The following PPFIA2 variants were observed in gnomAD, a reference collection of about 807,000 sequenced individuals.
PPFIA2 encodes the protein PPFI scaffold protein A2, also known as liprin-alpha-2.
In PPFIA2, 46 loss-of-function variants were observed where a neutral mutation model predicts 175.5. That is an observed-to-expected ratio of 0.26 (90% CI 0.21 to 0.34). The LOEUF is 0.34. Ranked by LOEUF, PPFIA2 falls within the 10% of genes least tolerant of loss-of-function variation. The pLI is 1.00. For missense variants in PPFIA2, 1,179 were observed against 1,506.1 expected, an observed-to-expected ratio of 0.78 and a Z score of 3.60; for synonymous variants, 568 against 511.4, an observed-to-expected ratio of 1.11 and a Z score of -1.49.
chr12:81,707,332 A>T (rs918431996), intron 3 of PPFIA2, among the ~76,000 whole-genome samples: 1 of 152,100 alleles, frequency 6.6e-6, no homozygotes, highest in African/African-American at 2.4e-5. Flanking sequence ...CAAGAAAAAA[A>T]CAAACAACCC....
chr12:81,304,743 G>A (rs2048730461), intron 22 of PPFIA2, among the ~76,000 whole-genome samples: 2 of 152,084 alleles, frequency 1.3e-5, no homozygotes, highest in Non-Finnish European at 2.9e-5. Flanking sequence ...AGTTGGTGGT[G>A]GAGGAAGATG....
intron 22 of PPFIA2, among the ~76,000 whole-genome samples, chr12:81,315,427 T>C (rs1251062056): frequency 2.0e-5 from 3 of 151,636 alleles, no homozygotes; most frequent in African/African-American, 4.8e-5. Context: ...ATTATGGACG[T>C]GATCTAAGCT....
intron 3 of PPFIA2, among the ~76,000 whole-genome samples, chr12:81,708,175 T>TA (rs1316834737): frequency 1.4e-5 from 2 of 143,748 alleles, no homozygotes; most frequent in African/African-American, 2.6e-5. Context: ...AGTATAATAA[T>TA]AAAAAAACAA....
chr12:81,400,475 G>A (rs550137737), intron 8 of PPFIA2, among the ~76,000 whole-genome samples: 2 of 151,936 alleles, frequency 1.3e-5, no homozygotes, highest in Non-Finnish European at 2.9e-5. Context: ...TAAATTTACC[G>A]ATCTGAGGAT....
chr12:81,730,406 G>A (rs1211092682), intron 3 of PPFIA2, among the ~76,000 whole-genome samples: 1 of 151,604 alleles, frequency 6.6e-6, no homozygotes, highest in African/African-American at 2.4e-5. Flanking sequence ...ATGGCGGAAG[G>A]CAAAAGAGAA....
chr12:81,265,944 T>C (rs2037128107), intron 30 of PPFIA2, among the ~76,000 whole-genome samples: 1 of 152,242 alleles, frequency 6.6e-6, no homozygotes, highest in Admixed American at 6.5e-5. Flanking sequence ...ATGCAACTTA[T>C]AAGACGAGGC....
chr12:81,699,754 T>C (rs967121650), intron 3 of PPFIA2, among the ~76,000 whole-genome samples: 1 of 151,972 alleles, frequency 6.6e-6, no homozygotes, highest in African/African-American at 2.4e-5. Flanking sequence ...TGAATACACA[T>C]GTCTTAACCC....
At chr12:81,449,488 CAA>C (rs552912790) in intron 5 of PPFIA2, among the ~76,000 whole-genome samples, 6 of 93,236 alleles carry the variant, frequency 6.4e-5, no homozygotes, top group African/African-American at 1.3e-4. Flanking sequence ...TTACTTCAGA[CAA>C]AAAAAAAAAA....
At chr12:81,582,367 T>C (rs1407501051) in intron 4 of PPFIA2, among the ~76,000 whole-genome samples, 3 of 151,882 alleles carry the variant, frequency 2.0e-5, no homozygotes, top group Non-Finnish European at 4.4e-5. Flanking sequence ...GTAAATTATA[T>C]TGGCAGCATT....
chr12:81,702,186 C>T (rs962129932), intron 3 of PPFIA2, among the ~76,000 whole-genome samples: 1 of 152,130 alleles, frequency 6.6e-6, no homozygotes, highest in Non-Finnish European at 1.5e-5. Context: ...ACTGTGGCTG[C>T]TTGTATCTAG....
intron 4 of PPFIA2, among the ~76,000 whole-genome samples, chr12:81,556,965 C>A (rs1282675533): frequency 2.0e-5 from 3 of 151,814 alleles, no homozygotes; most frequent in Admixed American, 6.6e-5. Context: ...AAAAGTCAAG[C>A]TGTTAATTTC....
intron 3 of PPFIA2, among the ~76,000 whole-genome samples, chr12:81,698,767 C>CACAA (rs201396938): frequency 0.32 from 48,415 of 151,068 alleles, 8,612 homozygotes; most frequent in Middle Eastern, 0.49. Context: ...CCTTTATACA[C>CACAA]ACACACACAC....
intron 3 of PPFIA2, among the ~76,000 whole-genome samples, chr12:81,688,648 G>C (rs910700004): frequency 6.6e-6 from 1 of 150,496 alleles, no homozygotes; most frequent in Non-Finnish European, 1.5e-5. Context: ...ATTTTTGTAA[G>C]AGGGAAGAAT....
intron 4 of PPFIA2, among the ~76,000 whole-genome samples, chr12:81,629,952 G>T (rs1260330986): frequency 6.6e-6 from 1 of 152,164 alleles, no homozygotes. Context: ...AAGATTATCT[G>T]GGATTATTCA....
intron 8 of PPFIA2, among the ~76,000 whole-genome samples, chr12:81,391,314 AT>A (rs2040071899): frequency 1.3e-5 from 2 of 151,852 alleles, no homozygotes; most frequent in African/African-American, 4.8e-5. Context: ...AGGGAGGGGG[AT>A]ATCCCTGAAG....
At chr12:81,315,133 CTCA>C (rs1054033642) in intron 22 of PPFIA2, among the ~76,000 whole-genome samples, 1 of 151,796 alleles carries the variant, frequency 6.6e-6, no homozygotes, top group African/African-American at 2.4e-5. Flanking sequence ...AGAATGTAAA[CTCA>C]TCAGCAGAAG....
At chr12:81,631,687 C>T (rs1238131869) in intron 4 of PPFIA2, among the ~76,000 whole-genome samples, 5 of 152,212 alleles carry the variant, frequency 3.3e-5, no homozygotes. Flanking sequence ...ATAATTTCCA[C>T]AGTGTCTACT....
Position 81,384,042 on chromosome 12 carries a change from T to A in PPFIA2, c.965A>T (p.Tyr322Phe), listed in dbSNP as rs1201917258. ...LIKTEEMNTK[Y>F]QRDIREAMAQ... ...ACTTACCTCCCTAATGTCCCTTTGA[T>A]ACTTGGTGTTCATTTCTTCTGTTTT... The change falls in exon 9 of 33, where the codon TAT (tyrosine) becomes TTT (phenylalanine). Residue 322 changes from tyrosine (Y) to phenylalanine (F), a missense_variant. By Grantham distance (22) the Tyr-to-Phe change is conservative. Around this residue, in one of 10 missense-constraint regions of PPFIA2, gnomAD observed 226 missense variants for 216.6 expected, o/e 1.04. Transcript: ENST00000549396. The A allele has an allele frequency of 1.9e-6, 3 of 1,611,996 alleles. No homozygotes were observed. The highest frequency in any genetic ancestry group is 2.5e-6 in the Non-Finnish European group (3 of 1,178,630).
At chr12:81,711,813 C>A (rs1298665704) in intron 3 of PPFIA2, among the ~76,000 whole-genome samples, 1 of 149,516 alleles carries the variant, frequency 6.7e-6, no homozygotes, top group African/African-American at 2.4e-5. Context: ...GGAATATTTC[C>A]AAATGTCCTT....
Sources: gnomAD v4.1 joint callset for allele counts (sites outside exome capture counted in the v4.1 genomes callset) on GRCh38, gnomAD v4.1.1 for gene constraint, gnomAD v4.1.1 regional missense constraint, MANE v1.5 for transcripts, NCBI Gene and HGNC (gene_info 2026-07-23, HGNC 2026-07-21) for gene names.